The following DCAF6 variants were observed in gnomAD, a reference collection of about 807,000 sequenced individuals.
DCAF6 encodes DDB1 and CUL4 associated factor 6.
In DCAF6, 54 loss-of-function variants were observed where a neutral mutation model predicts 125.1. The observed-to-expected ratio is 0.43, with a 90% CI of 0.35 to 0.54. The LOEUF (loss-of-function observed/expected upper bound fraction) is 0.54, where lower values mean the gene tolerates loss of function less well. DCAF6 is among the 20% of genes least tolerant of loss of function. DCAF6 has a pLI of 0.01. For missense variants in DCAF6, 934 were observed against 1,161.7 expected, an observed-to-expected ratio of 0.80 and a Z score of 2.85; for synonymous variants, 371 against 390.4, an observed-to-expected ratio of 0.95 and a Z score of 0.58.
the DCAF6 span, chr1:167,883,423 T>C: frequency 1.2e-6 from 2 of 1,613,992 alleles, no homozygotes; most frequent in East Asian, 2.2e-5. Context: ...TCCCATCCCA[T>C]AGTTCACACT....
chr1:167,930,092 A>G, the DCAF6 span, among the ~76,000 whole-genome samples: 1 of 152,208 alleles, frequency 6.6e-6, no homozygotes, highest in African/African-American at 2.4e-5. Flanking sequence ...CTGATTTAAC[A>G]CTAAGAACAT....
the DCAF6 span, among the ~76,000 whole-genome samples, chr1:167,921,820 A>G: frequency 2.0e-5 from 3 of 152,348 alleles, no homozygotes; most frequent in Non-Finnish European, 2.9e-5. Flanking sequence ...ATACACAAAT[A>G]AAAGATTTAG....
chr1:168,072,294 TAAAAAAAAAAAAAAAAA>T lies in DCAF6; in HGVS notation c.2792-3062_2792-3046del, dbSNP rs59674650. Reference sequence around the variant, plus strand: ...CCTGGTGACAGAGGGAGAATCAGTCTAAAAAAAAAAAAAAAAAAAAAAAAAAAAAAAGAAAAGAAAAG... The same window carrying T: ...CCTGGTGACAGAGGGAGAATCAGTCTAAAAAAAAAAAAAAGAAAAGAAAAG... On this transcript the variant is annotated intron_variant, in intron 21 of 21. Transcript: ENST00000367840. Among the ~76,000 whole-genome samples, 629 of 41,104 alleles carry T rather than the reference TAAAAAAAAAAAAAAAAA, an allele frequency of 0.015. 30 individuals are homozygous for T. In the East Asian group the frequency reaches 0.2, roughly 13 times the overall value. 27.0% of individuals were successfully genotyped at this position (41,104 alleles called of 152,430 possible). A position where few individuals can be genotyped will look rare whatever the true frequency, so the allele number is the denominator to read the frequency against.
At chr1:168,056,680 G>A (rs564030047) in intron 17 of DCAF6, among the ~76,000 whole-genome samples, 4 of 152,310 alleles carry the variant, frequency 2.6e-5, no homozygotes, top group Admixed American at 6.5e-5. Context: ...AACCTGTAGC[G>A]TAATAAAGCC....
In DCAF6 at chr1:167,985,294, G is replaced by T. The variant is rs147656425; in HGVS notation, c.439-2201G>T. On this transcript the variant is annotated intron_variant, in intron 4 of 21. Coordinates refer to ENST00000367840, the MANE Select transcript of DCAF6 (RefSeq NM_001198956.2). ...AATTTATTATCTTACTGTTCTGGAA[G>T]TCAGAAGTCTGAAATAAGGTGTACT... Among the ~76,000 whole-genome samples, 317 of 152,188 alleles carry T rather than the reference G, an allele frequency of 2.1e-3. 2 individuals carry two copies. The highest frequency in any genetic ancestry group is 7.1e-3 in the African/African-American group (296 of 41,530).
chr1:167,950,097 T>A (rs1369023744), intron 1 of DCAF6, among the ~76,000 whole-genome samples: 1 of 152,238 alleles, frequency 6.6e-6, no homozygotes, highest in Non-Finnish European at 1.5e-5. Context: ...TATCTTCTAT[T>A]CTTAGGTTCT....
intron 10 of DCAF6, among the ~76,000 whole-genome samples, chr1:168,015,495 C>A (rs1684844368): frequency 8.3e-6 from 1 of 121,050 alleles, no homozygotes; most frequent in African/African-American, 3.4e-5. Context: ...ATTTTGAAAT[C>A]TTTTGCTTAT....
At chr1:167,927,924 G>C in the DCAF6 span, among the ~76,000 whole-genome samples, 1 of 152,112 alleles carries the variant, frequency 6.6e-6, no homozygotes, top group African/African-American at 2.4e-5. Flanking sequence ...GTACTAAACA[G>C]AAAAATAGCA....
the DCAF6 span, among the ~76,000 whole-genome samples, chr1:167,908,267 T>C: frequency 6.6e-6 from 1 of 152,250 alleles, no homozygotes; most frequent in Admixed American, 6.5e-5. Context: ...TGGATGAACC[T>C]GGAGGGCCTT....
the DCAF6 span, among the ~76,000 whole-genome samples, chr1:167,909,732 A>G: frequency 1.3e-5 from 2 of 152,174 alleles, no homozygotes; most frequent in Non-Finnish European, 2.9e-5. Flanking sequence ...ACACTCCCTC[A>G]GGCAAGGTAT....
At chr1:167,978,208 A>G (rs1678547997) in intron 4 of DCAF6, among the ~76,000 whole-genome samples, 1 of 152,250 alleles carries the variant, frequency 6.6e-6, no homozygotes, top group Non-Finnish European at 1.5e-5. Context: ...CAGTACACAA[A>G]TGCACACATT....
intron 17 of DCAF6, among the ~76,000 whole-genome samples, chr1:168,062,546 T>C (rs1316498199): frequency 6.6e-6 from 1 of 152,182 alleles, no homozygotes; most frequent in Non-Finnish European, 1.5e-5. Flanking sequence ...CAGTTTTTTG[T>C]TTTTATCCTA....
chr1:168,068,430 A>G lies in DCAF6; in HGVS notation c.2758A>G (p.Arg920Gly). The G allele has an allele frequency of 6.4e-7, 1 of 1,561,324 alleles. No homozygotes were observed. The change falls in exon 21 of 22, where the codon AGG becomes GGG. Residue 920 changes from arginine (R) to glycine (G), a missense_variant. Coordinates refer to ENST00000367840, the MANE Select transcript of DCAF6 (RefSeq NM_001198956.2). ...TACAGTTCCAGCCTCTTTCATGTTGAGGATGTTGGCTTCACTTAATCATAT... is the reference window on the plus strand; with the variant it reads ...TACAGTTCCAGCCTCTTTCATGTTGGGGATGTTGGCTTCACTTAATCATAT... ...TITVPASFML[R>G]MLASLNHIRA...
the DCAF6 span, among the ~76,000 whole-genome samples, chr1:167,925,478 T>TATATATATAC: frequency 2.9e-3 from 357 of 122,470 alleles, 3 homozygotes; most frequent in Middle Eastern, 4.3e-3. Flanking sequence ...TATATATACA[T>TATATATATAC]ATACATATAC....
chr1:167,904,205 A>G, the DCAF6 span, among the ~76,000 whole-genome samples: 7 of 149,690 alleles, frequency 4.7e-5, no homozygotes, highest in African/African-American at 1.7e-4. Context: ...CTCCTGCCTC[A>G]GCCTTCCGAG....
chr1:167,936,251 C>T (rs1355646640), upstream of DCAF6: 2 of 222,074 alleles, frequency 9.0e-6, no homozygotes, highest in Non-Finnish European at 1.8e-5. Context: ...CTCCCCATGC[C>T]CTCGAGGCCA....
At chr1:168,043,863 T>G (rs1449747849) in intron 14 of DCAF6, among the ~76,000 whole-genome samples, 1 of 152,140 alleles carries the variant, frequency 6.6e-6, no homozygotes, top group African/African-American at 2.4e-5. Context: ...AAAACAGAAT[T>G]TATAGTATGG....
At chr1:167,880,288 G>C in the DCAF6 span, 1 of 1,194,636 alleles carries the variant, frequency 8.4e-7, no homozygotes, top group Non-Finnish European at 1.2e-6. Flanking sequence ...GTTGGGAAAG[G>C]GTGGGAAAGG....
intron 16 of DCAF6, 116 bp downstream of exon 16, chr1:168,045,343 A>G (rs536659925): frequency 2.2e-6 from 2 of 894,960 alleles, no homozygotes; most frequent in Admixed American, 3.0e-5. Flanking sequence ...AGAGTGTCTC[A>G]TTCATATAAA....
Sources: gnomAD v4.1 joint callset for allele counts (sites outside exome capture counted in the v4.1 genomes callset) on GRCh38, gnomAD v4.1.1 for gene constraint, MANE v1.5 for transcripts, NCBI Gene and HGNC (gene_info 2026-07-23, HGNC 2026-07-21) for gene names.